SMAP1: variants seen among roughly 807,000 people sequenced by gnomAD.
SMAP1 encodes the protein small ArfGAP 1.
SMAP1 carries 24 observed loss-of-function variants against 58.5 expected under a neutral mutation model. The ratio of observed to expected loss-of-function variants is 0.41; its 90% CI spans 0.30 to 0.58. The LOEUF (loss-of-function observed/expected upper bound fraction) is 0.58, where lower values mean the gene tolerates loss of function less well. Among genes scored for constraint, SMAP1 ranks in the 20% least tolerant of loss-of-function variants. The pLI is 0.29. For synonymous variants in SMAP1, 216 were observed against 196.6 expected, an observed-to-expected ratio of 1.10 and a Z score of -0.82; for missense variants, 563 against 566.3, an observed-to-expected ratio of 0.99 and a Z score of 0.06.
In SMAP1 at chr6:70,859,479, G is replaced by C. The variant is rs1771604026; in HGVS notation, c.1270-721G>C. On this transcript the variant is annotated intron_variant, in intron 10 of 10. Coordinates refer to ENST00000370455, the MANE Select transcript of SMAP1 (RefSeq NM_001044305.3). ...CTGATTAGTGATGTAGTTTATGTTAGTGTCTTTGAAACTGTAAATAAGTCA... is the reference window on the plus strand; with the variant it reads ...CTGATTAGTGATGTAGTTTATGTTACTGTCTTTGAAACTGTAAATAAGTCA... 4.8e-5 allele frequency: 52 copies of C among 1,081,254 alleles called. 1 individual carries two copies. In the South Asian group the frequency reaches 5.7e-4, roughly 12 times the overall value. The allele number at this position is 1,081,254 out of a possible 1,614,324, so 67.0% of individuals were successfully genotyped here.
chr6:70,833,916 C>T (rs1770464481), intron 6 of SMAP1, among the ~76,000 whole-genome samples: 1 of 152,110 alleles, frequency 6.6e-6, no homozygotes, highest in African/African-American at 2.4e-5. Flanking sequence ...CTTTATTTTG[C>T]ACAGCTATAT....
intron 6 of SMAP1, among the ~76,000 whole-genome samples, chr6:70,829,792 G>T (rs559248817): frequency 6.6e-6 from 1 of 152,184 alleles, no homozygotes; most frequent in Non-Finnish European, 1.5e-5. Context: ...TTAGAAAATT[G>T]TATAGCTTTC....
chr6:70,782,063 G>T (rs1767785794), intron 4 of SMAP1, among the ~76,000 whole-genome samples: 1 of 152,162 alleles, frequency 6.6e-6, no homozygotes, highest in Non-Finnish European at 1.5e-5. Context: ...TGGGGTGGGT[G>T]GGAGTTCGGA....
intron 5 of SMAP1, among the ~76,000 whole-genome samples, chr6:70,794,707 C>G (rs1282809785): frequency 2.0e-5 from 3 of 151,952 alleles, no homozygotes; most frequent in African/African-American, 7.3e-5. Context: ...TAGCCTCATC[C>G]ATGTCCCTAG....
In SMAP1 at chr6:70,817,778, A is replaced by G. The variant is rs558539155; in HGVS notation, c.576+19041A>G. On this transcript the variant is annotated intron_variant, in intron 6 of 10. Transcript: ENST00000370455. ...GTTTTGAGTTCCCTGAAAACCAGGTAGAAGCCAATCAAAATCTGTAAGGGG... is the reference window on the plus strand; with the variant it reads ...GTTTTGAGTTCCCTGAAAACCAGGTGGAAGCCAATCAAAATCTGTAAGGGG... 1.3e-4 allele frequency among the ~76,000 whole-genome samples: 20 copies of G among 152,318 alleles called. No individual in the cohort carries two copies. The South Asian group carries it at 4.1e-3, about 32-fold the overall frequency.
chr6:70,684,314 C>T (rs1188697030), intron 1 of SMAP1, among the ~76,000 whole-genome samples: 2 of 152,100 alleles, frequency 1.3e-5, no homozygotes, highest in Non-Finnish European at 2.9e-5. Flanking sequence ...AGATGGAAAG[C>T]ACTAGAGCAT....
chr6:70,786,183 C>A (rs917581956), intron 4 of SMAP1, among the ~76,000 whole-genome samples: 16 of 151,000 alleles, frequency 1.1e-4, no homozygotes, highest in African/African-American at 3.9e-4. Flanking sequence ...AGCATATAAA[C>A]AGAACCAAAG....
At chr6:70,769,101 C>T (rs539488480) in intron 3 of SMAP1, among the ~76,000 whole-genome samples, 71 of 152,306 alleles carry the variant, frequency 4.7e-4, no homozygotes, top group African/African-American at 1.7e-3. Flanking sequence ...TTTGATTGCA[C>T]TGTGGTCTGA....
chr6:70,698,782 G>A (rs970818016), intron 1 of SMAP1, among the ~76,000 whole-genome samples: 6 of 152,034 alleles, frequency 3.9e-5, no homozygotes, highest in Non-Finnish European at 8.8e-5. Context: ...ATAGAATTCT[G>A]AATTCCTTTT....
At position 70,804,059 on chromosome 6, in the gene SMAP1, C is replaced by G. The variant is rs552554310; in HGVS notation, c.576+5322C>G. Among the ~76,000 whole-genome samples, 3 of 152,248 alleles carry G rather than the reference C, an allele frequency of 2.0e-5. No individual in the cohort carries two copies. In the South Asian group the frequency reaches 6.2e-4, roughly 32 times the overall value. ...GGATATCTTTGTTAACCTTCTGTCTCGTTGATCTGTCTGACATTGACAGTG... is the reference window on the plus strand; with the variant it reads ...GGATATCTTTGTTAACCTTCTGTCTGGTTGATCTGTCTGACATTGACAGTG... On this transcript the variant is annotated intron_variant, in intron 6 of 10. Coordinates refer to ENST00000370455, the MANE Select transcript of SMAP1 (RefSeq NM_001044305.3).
intron 1 of SMAP1, among the ~76,000 whole-genome samples, chr6:70,731,994 G>A (rs990713518): frequency 1.3e-5 from 2 of 151,792 alleles, no homozygotes; most frequent in African/African-American, 4.8e-5. Flanking sequence ...TTTTTGAAAT[G>A]TCTTTGATTT....
At chr6:70,815,552 C>T (rs932674640) in intron 6 of SMAP1, among the ~76,000 whole-genome samples, 8 of 152,028 alleles carry the variant, frequency 5.3e-5, no homozygotes, top group African/African-American at 1.9e-4. Context: ...GGCAGATTGC[C>T]GAGCAGGTGA....
intron 6 of SMAP1, among the ~76,000 whole-genome samples, chr6:70,802,854 G>A (rs1221305552): frequency 7.1e-6 from 1 of 140,380 alleles, no homozygotes; most frequent in African/African-American, 2.6e-5. Context: ...CAGGGATGAA[G>A]CCCACTTGAT....
intron 7 of SMAP1, among the ~76,000 whole-genome samples, chr6:70,843,866 G>A (rs533428888): frequency 1.4e-4 from 21 of 152,302 alleles, no homozygotes; most frequent in African/African-American, 4.3e-4. Flanking sequence ...CCTGTGCTGA[G>A]ACTATAACCT....
intron 3 of SMAP1, among the ~76,000 whole-genome samples, chr6:70,768,091 G>GCCTTACA (rs1767083756): frequency 6.6e-6 from 1 of 152,156 alleles, no homozygotes; most frequent in Non-Finnish European, 1.5e-5. Flanking sequence ...TTACATCCCA[G>GCCTTACA]GGATGAAGCC....
chr6:70,708,296 C>A (rs566617787), intron 1 of SMAP1, among the ~76,000 whole-genome samples: 1 of 152,250 alleles, frequency 6.6e-6, no homozygotes, highest in East Asian at 1.9e-4. Context: ...GTGGTGGGTT[C>A]TCCCTTTTTC....
In SMAP1 at chr6:70,789,585, C is replaced by A. The variant is rs1192346368; in HGVS notation, c.415-2104C>A. On this transcript the variant is annotated intron_variant, in intron 4 of 10. Coordinates refer to ENST00000370455, the MANE Select transcript of SMAP1 (RefSeq NM_001044305.3). The stretch of plus-strand genomic sequence containing the variant: ...ACATGGTATTAAATCATTTATTTTT[C>A]TTTTTTCTTTTTTTTTTTTTTGGTA... 2.9e-5 allele frequency among the ~76,000 whole-genome samples: 4 copies of A among 139,912 alleles called. No homozygotes were observed. The East Asian group carries it at 6.2e-4, about 22-fold the overall frequency. 91.8% of individuals were successfully genotyped at this position (139,912 alleles called of 152,430 possible). A position where few individuals can be genotyped will look rare whatever the true frequency, so the allele number is the denominator to read the frequency against.
At chr6:70,706,713 A>G (rs1315041349) in intron 1 of SMAP1, among the ~76,000 whole-genome samples, 1 of 152,222 alleles carries the variant, frequency 6.6e-6, no homozygotes, top group Non-Finnish European at 1.5e-5. Context: ...TTGTACCACC[A>G]GATGGCGCTC....
intron 6 of SMAP1, among the ~76,000 whole-genome samples, chr6:70,818,685 G>C (rs569035473): frequency 6.6e-6 from 1 of 152,078 alleles, no homozygotes; most frequent in Non-Finnish European, 1.5e-5. Context: ...TAAATTTGTG[G>C]TAATGGAAGA....
Sources: gnomAD v4.1 joint callset for allele counts (sites outside exome capture counted in the v4.1 genomes callset) on GRCh38, gnomAD v4.1.1 for gene constraint, MANE v1.5 for transcripts, NCBI Gene and HGNC (gene_info 2026-07-23, HGNC 2026-07-21) for gene names.